The following ZEB2 variants were observed in gnomAD, a reference collection of about 807,000 sequenced individuals.
The protein encoded by ZEB2 is zinc finger E-box-binding homeobox 2.
A neutral mutation model predicts 99.9 loss-of-function variants in ZEB2; 6 were observed. The observed-to-expected ratio is 0.06, with a 90% confidence interval of 0.03 to 0.12. ZEB2 has a LOEUF of 0.12. Among genes scored for constraint, ZEB2 ranks in the 10% least tolerant of loss-of-function variants. The pLI is 1.00. For synonymous variants in ZEB2, 517 were observed against 542.5 expected, an observed-to-expected ratio of 0.95 and a Z score of 0.65; for missense variants, 969 against 1,502.8, an observed-to-expected ratio of 0.64 and a Z score of 5.87.
chr2:144,515,505 AAAATT>A (rs997831872), intron 2 of ZEB2, among the ~76,000 whole-genome samples: 21 of 151,920 alleles, frequency 1.4e-4, no homozygotes, highest in Admixed American at 7.9e-4. Context: ...GAGTGAAAAA[AAAATT>A]AAATTAAGAG....
intron 2 of ZEB2, among the ~76,000 whole-genome samples, chr2:144,474,079 G>A (rs1308210252): frequency 6.6e-6 from 1 of 152,082 alleles, no homozygotes; most frequent in Non-Finnish European, 1.5e-5. Flanking sequence ...GCCTTGTCCG[G>A]GCAGTCCTGA....
intron 2 of ZEB2, chr2:144,504,205 A>G (rs1007673986): frequency 2.0e-5 from 3 of 151,980 alleles, no homozygotes; most frequent in Non-Finnish European, 1.5e-5. Flanking sequence ...CCTTCCGTTT[A>G]ATTAAGTGTG....
chr2:144,398,020 C>A, intron 8 of ZEB2: 1 of 376,850 alleles, frequency 2.7e-6, no homozygotes, highest in Non-Finnish European at 5.1e-6. Flanking sequence ...ATATTTTCAC[C>A]AAAGTTTAAT....
intron 2 of ZEB2, among the ~76,000 whole-genome samples, chr2:144,509,092 T>C (rs1285818720): frequency 6.6e-6 from 1 of 152,180 alleles, no homozygotes. Context: ...CTATAAGACT[T>C]GTCTGAATAA....
chr2:144,473,413 T>G (rs1704386214), intron 2 of ZEB2, among the ~76,000 whole-genome samples: 1 of 152,152 alleles, frequency 6.6e-6, no homozygotes, highest in South Asian at 2.1e-4. Flanking sequence ...CGTGGCTGGC[T>G]TAACTGGTGC....
chr2:144,490,521 T>C (rs1449802306), intron 2 of ZEB2, among the ~76,000 whole-genome samples: 3 of 152,214 alleles, frequency 2.0e-5, no homozygotes, highest in Admixed American at 1.3e-4. Flanking sequence ...AACGTTATTA[T>C]AATGACACTT....
intron 2 of ZEB2, chr2:144,503,788 C>T (rs1190806127): frequency 2.0e-5 from 3 of 152,056 alleles, no homozygotes; most frequent in Non-Finnish European, 4.4e-5. Flanking sequence ...TAAGGTTTTG[C>T]CATGTTTTTT....
At chr2:144,466,426 A>G (rs1249668524) in intron 2 of ZEB2, among the ~76,000 whole-genome samples, 2 of 152,208 alleles carry the variant, frequency 1.3e-5, no homozygotes, top group African/African-American at 2.4e-5. Context: ...AGCTTTCTTT[A>G]TATGAAAAAC....
At chr2:144,424,984 G>A in intron 3 of ZEB2, 117 bp from the exon 4 acceptor site, 1 of 1,039,086 alleles carries the variant, frequency 9.6e-7, no homozygotes, top group South Asian at 1.3e-5. Context: ...AAGGCTTGTT[G>A]TAGACCTCTA....
chr2:144,424,685 A>G lies in ZEB2; in HGVS notation c.403+111T>C, dbSNP rs777531588. On this transcript the variant is annotated intron_variant, in intron 4 of 9. Coordinates refer to ENST00000627532, the MANE Select transcript of ZEB2 (RefSeq NM_014795.4). ...AAACCAGAGACCTGTAAAGTTGACT[A>G]CTTGTTAAGTCATGGAGATACAAAT... The G allele has an allele frequency of 6.9e-6, 9 of 1,298,044 alleles. No individual in the cohort carries two copies. The East Asian group carries it at 9.3e-5, about 13-fold the overall frequency. 80.4% of individuals were successfully genotyped at this position (1,298,044 alleles called of 1,614,324 possible).
intron 2 of ZEB2, chr2:144,461,245 G>A (rs986387169): frequency 1.3e-5 from 2 of 151,772 alleles, no homozygotes; most frequent in African/African-American, 4.8e-5. Flanking sequence ...CAGAGCTCCC[G>A]GAGTATAAAA....
At chr2:144,445,357 A>C (rs1429821892) in intron 2 of ZEB2, among the ~76,000 whole-genome samples, 5 of 148,660 alleles carry the variant, frequency 3.4e-5, no homozygotes, top group Admixed American at 6.9e-5. Context: ...GGTAATTAGC[A>C]CAGCGGGATA....
intron 1 of ZEB2, chr2:144,517,850 G>T: frequency 1.9e-6 from 1 of 521,300 alleles, no homozygotes; most frequent in Non-Finnish European, 3.3e-6. Flanking sequence ...CCAATTCCCA[G>T]AGGAAACAAA....
intron 2 of ZEB2, among the ~76,000 whole-genome samples, chr2:144,454,171 G>A (rs72858498): frequency 0.017 from 2,655 of 152,326 alleles, 27 homozygotes; most frequent in Non-Finnish European, 0.023. Flanking sequence ...TGCAAAGTAA[G>A]AGGTCTGGGA....
At chr2:144,437,813 C>G (rs1256930783) in intron 2 of ZEB2, among the ~76,000 whole-genome samples, 1 of 152,018 alleles carries the variant, frequency 6.6e-6, no homozygotes, top group African/African-American at 2.4e-5. Flanking sequence ...AAAGGTTACA[C>G]AACTTTCAAA....
chr2:144,418,328 G>A (rs898289957), intron 4 of ZEB2, among the ~76,000 whole-genome samples: 6 of 152,180 alleles, frequency 3.9e-5, no homozygotes, highest in African/African-American at 1.4e-4. Flanking sequence ...TAGAGAAAAA[G>A]TTAAGGAGGA....
intron 3 of ZEB2, chr2:144,429,047 C>A (rs1460182306): frequency 6.6e-6 from 1 of 152,216 alleles, no homozygotes; most frequent in Non-Finnish European, 1.5e-5. Flanking sequence ...CTTAGCGATT[C>A]TCCGTCATAA....
At chr2:144,425,045 C>A in intron 3 of ZEB2, 178 bp from the exon 4 acceptor site, 2 of 639,144 alleles carry the variant, frequency 3.1e-6, no homozygotes, top group South Asian at 3.7e-5. Context: ...GCTAGCTGCA[C>A]AAGAACTTAT....
intron 4 of ZEB2, among the ~76,000 whole-genome samples, chr2:144,409,564 G>A (rs969488): frequency 1.3e-5 from 2 of 152,158 alleles, no homozygotes; most frequent in African/African-American, 2.4e-5. Flanking sequence ...TCACAAGAAG[G>A]CTCAAGTAAT....
Sources: gnomAD v4.1 joint callset for allele counts (sites outside exome capture counted in the v4.1 genomes callset) on GRCh38, gnomAD v4.1.1 for gene constraint, MANE v1.5 for transcripts, NCBI Gene and HGNC (gene_info 2026-07-23, HGNC 2026-07-21) for gene names.